RNLS: variants seen among roughly 807,000 people sequenced by gnomAD.
The protein encoded by RNLS is renalase, FAD dependent amine oxidase, also known as renalase.
In RNLS, 39 loss-of-function variants were observed where a neutral mutation model predicts 39.8. The ratio of observed to expected loss-of-function variants is 0.98; its 90% CI spans 0.76 to 1.28. The LOEUF (loss-of-function observed/expected upper bound fraction) is 1.28, where lower values mean the gene tolerates loss of function less well. RNLS is among the 50% of genes most tolerant of loss of function. The probability of loss-of-function intolerance (pLI) is 0.00; values close to 1 mark genes in which losing one functional copy is unlikely to be tolerated. For synonymous variants in RNLS, 147 were observed against 150.7 expected, an observed-to-expected ratio of 0.98 and a Z score of 0.18; for missense variants, 410 against 413.3, an observed-to-expected ratio of 0.99 and a Z score of 0.07.
intron 4 of RNLS, among the ~76,000 whole-genome samples, chr10:88,404,792 G>T (rs1853160119): frequency 1.3e-5 from 2 of 152,130 alleles, no homozygotes; most frequent in South Asian, 4.2e-4. Flanking sequence ...TTATTCTTAG[G>T]TATTAAGTGA....
At chr10:88,488,145 C>A (rs1844651191) in intron 4 of RNLS, among the ~76,000 whole-genome samples, 1 of 152,058 alleles carries the variant, frequency 6.6e-6, no homozygotes, top group Non-Finnish European at 1.5e-5. Flanking sequence ...GATATATTCA[C>A]AATTTTAAGT....
At chr10:88,527,861 CT>C (rs1415679046) in intron 4 of RNLS, among the ~76,000 whole-genome samples, 1 of 149,412 alleles carries the variant, frequency 6.7e-6, no homozygotes, top group African/African-American at 2.5e-5. Flanking sequence ...AAAATAAAAT[CT>C]GGGAAAAAAG....
chr10:88,467,548 A>C (rs1344121052), intron 4 of RNLS, among the ~76,000 whole-genome samples: 1 of 152,112 alleles, frequency 6.6e-6, no homozygotes, highest in African/African-American at 2.4e-5. Flanking sequence ...TGCCTCATCA[A>C]TGACTACAGA....
chr10:88,353,033 G>C (rs1049968224), intron 5 of RNLS, among the ~76,000 whole-genome samples: 1 of 152,170 alleles, frequency 6.6e-6, no homozygotes, highest in Non-Finnish European at 1.5e-5. Context: ...ATTTCTGTGG[G>C]ATCAGTGGGG....
intron 4 of RNLS, among the ~76,000 whole-genome samples, chr10:88,459,103 C>CG (rs1214832778): frequency 4.1e-5 from 6 of 145,230 alleles, no homozygotes; most frequent in African/African-American, 1.0e-4. Flanking sequence ...TTTCTTTTTT[C>CG]TTTTTTTTTT....
At chr10:88,286,033 C>G (rs1403597896) in intron 6 of RNLS, among the ~76,000 whole-genome samples, 2 of 152,076 alleles carry the variant, frequency 1.3e-5, no homozygotes, top group Non-Finnish European at 2.9e-5. Flanking sequence ...CTGGATCTGC[C>G]AGTGCCTTGA....
At chr10:88,337,910 T>C (rs59513062) in intron 5 of RNLS, among the ~76,000 whole-genome samples, 22,792 of 152,050 alleles carry the variant, frequency 0.15, 1,883 homozygotes, top group East Asian at 0.36. Flanking sequence ...TCCCTCTCCT[T>C]CTCCTCCTCC....
At chr10:88,439,228 C>T (rs945204029) in intron 4 of RNLS, among the ~76,000 whole-genome samples, 1 of 152,202 alleles carries the variant, frequency 6.6e-6, no homozygotes, top group Non-Finnish European at 1.5e-5. Context: ...AAATAAATCT[C>T]AAAGGGCTGC....
intron 4 of RNLS, among the ~76,000 whole-genome samples, chr10:88,393,760 G>C (rs1452380496): frequency 1.3e-5 from 2 of 152,190 alleles, no homozygotes; most frequent in Non-Finnish European, 2.9e-5. Context: ...AAAGGACAAA[G>C]CTGGAGGCAT....
intron 6 of RNLS, among the ~76,000 whole-genome samples, chr10:88,308,013 A>T (rs141661954): frequency 6.6e-4 from 100 of 152,270 alleles, no homozygotes; most frequent in African/African-American, 2.3e-3. Flanking sequence ...CTTTGACAAA[A>T]ACAAGCAATG....
chr10:88,186,287 CG>C, the RNLS span, among the ~76,000 whole-genome samples: 1 of 152,126 alleles, frequency 6.6e-6, no homozygotes, highest in South Asian at 2.1e-4. Flanking sequence ...TTAGCAGAAT[CG>C]TCAGAGTAAA....
the RNLS span, among the ~76,000 whole-genome samples, chr10:88,251,196 A>G: frequency 8.3e-4 from 127 of 152,350 alleles, 1 homozygote; most frequent in African/African-American, 2.9e-3. Context: ...AAAATCTTAA[A>G]TGTAAATTCC....
chr10:88,530,035 G>A (rs1487612218), intron 4 of RNLS, among the ~76,000 whole-genome samples: 1 of 152,108 alleles, frequency 6.6e-6, no homozygotes, highest in African/African-American at 2.4e-5. Flanking sequence ...GAATTCTGCA[G>A]CTTATGTTTT....
At chr10:88,302,700 C>T (rs879349498) in intron 6 of RNLS, among the ~76,000 whole-genome samples, 9 of 152,008 alleles carry the variant, frequency 5.9e-5, no homozygotes, top group African/African-American at 1.5e-4. Flanking sequence ...AAAGAGATGC[C>T]CAATTTTATT....
intron 4 of RNLS, among the ~76,000 whole-genome samples, chr10:88,535,931 T>C (rs897480984): frequency 1.3e-5 from 2 of 152,038 alleles, no homozygotes; most frequent in African/African-American, 4.8e-5. Context: ...GAGAGAAGAA[T>C]AAAAGATAAT....
At chr10:88,470,061 T>C (rs984563636) in intron 4 of RNLS, among the ~76,000 whole-genome samples, 2 of 152,186 alleles carry the variant, frequency 1.3e-5, no homozygotes, top group Non-Finnish European at 2.9e-5. Context: ...ATTTCTAACA[T>C]ATATTAATAG....
intron 4 of RNLS, among the ~76,000 whole-genome samples, chr10:88,410,541 C>T (rs1853588542): frequency 6.6e-6 from 1 of 152,126 alleles, no homozygotes. Context: ...ATGAACTTGT[C>T]CCCATAAATA....
rs1845759481 is a variant in RNLS at position 88,505,847 on chromosome 10, C to T, written c.526+67056G>A. On this transcript the variant is annotated intron_variant, in intron 4 of 6. Transcript: ENST00000331772. ...GCCACCATGTGTCCTTGATGTAATG[C>T]AATAAGGAATGCACATGTTATCAGT... Among the ~76,000 whole-genome samples the T allele has an allele frequency of 2.0e-5, 3 of 152,094 alleles. No individual in the cohort carries two copies. The South Asian group carries it at 6.2e-4, about 32-fold the overall frequency.
chr10:88,197,506 C>A, the RNLS span, among the ~76,000 whole-genome samples: 1 of 152,044 alleles, frequency 6.6e-6, no homozygotes, highest in Non-Finnish European at 1.5e-5. Context: ...TGGTGCTCTG[C>A]AATTCTAACA....
Sources: gnomAD v4.1 joint callset for allele counts (sites outside exome capture counted in the v4.1 genomes callset) on GRCh38, gnomAD v4.1.1 for gene constraint, MANE v1.5 for transcripts, NCBI Gene and HGNC (gene_info 2026-07-23, HGNC 2026-07-21) for gene names.